The following ANK2 variants were observed in gnomAD, a reference collection of about 807,000 sequenced individuals.
ANK2 encodes the protein ankyrin 2, also known as ankyrin-2.
In ANK2, 83 loss-of-function variants were observed where a neutral mutation model predicts 360.5. The ratio of observed to expected loss-of-function variants is 0.23; its 90% CI spans 0.19 to 0.28. The LOEUF (loss-of-function observed/expected upper bound fraction) is 0.28, where lower values mean the gene tolerates loss of function less well. Ranked by LOEUF, ANK2 falls within the 10% of genes least tolerant of loss-of-function variation. The probability of loss-of-function intolerance (pLI) is 1.00; values close to 1 mark genes in which losing one functional copy is unlikely to be tolerated. For missense variants in ANK2, 4,201 were observed against 4,795.7 expected (o/e 0.88, Z 3.66); for synonymous variants, 1,740 against 1,759.5 (o/e 0.99, Z 0.28).
At chr4:112,986,608 C>T (rs1161973336) in intron 2 of ANK2, among the ~76,000 whole-genome samples, 1 of 152,096 alleles carries the variant, frequency 6.6e-6, no homozygotes, top group Non-Finnish European at 1.5e-5. Context: ...ATCTAAGATG[C>T]CTTTTACACT....
At chr4:113,281,923 C>G (rs751645842) in intron 17 of ANK2, among the ~76,000 whole-genome samples, 2 of 152,050 alleles carry the variant, frequency 1.3e-5, no homozygotes, top group Non-Finnish European at 2.9e-5. Context: ...TTCATATAAG[C>G]TAATTTTGTT....
the ANK2 span, among the ~76,000 whole-genome samples, chr4:112,793,689 T>TA: frequency 6.7e-6 from 1 of 148,468 alleles, no homozygotes; most frequent in Admixed American, 6.8e-5. Context: ...CAGATAGAAA[T>TA]AAAATAATTT....
chr4:113,043,993 A>G (rs1410102533), intron 2 of ANK2, among the ~76,000 whole-genome samples: 1 of 152,082 alleles, frequency 6.6e-6, no homozygotes, highest in Admixed American at 6.6e-5. Flanking sequence ...TCCCTTTCTT[A>G]CCAGACTAGT....
intron 1 of ANK2, among the ~76,000 whole-genome samples, chr4:113,122,286 GC>G (rs2095412955): frequency 6.6e-6 from 1 of 151,958 alleles, no homozygotes; most frequent in Non-Finnish European, 1.5e-5. Context: ...TTCTGCTTGG[GC>G]ACTCAGCAGC....
At chr4:112,950,007 A>T (rs2094827097) in intron 2 of ANK2, among the ~76,000 whole-genome samples, 1 of 152,232 alleles carries the variant, frequency 6.6e-6, no homozygotes, top group African/African-American at 2.4e-5. Flanking sequence ...ACATAATTAG[A>T]TGTTCAGTCT....
intron 1 of ANK2, among the ~76,000 whole-genome samples, chr4:113,086,766 C>G (rs1186185222): frequency 6.6e-6 from 1 of 152,118 alleles, no homozygotes; most frequent in East Asian, 1.9e-4. Flanking sequence ...CTGGAGTGAA[C>G]AGAGGAAGTT....
chr4:112,708,166 G>A, the ANK2 span, among the ~76,000 whole-genome samples: 1 of 152,146 alleles, frequency 6.6e-6, no homozygotes, highest in Non-Finnish European at 1.5e-5. Context: ...AAACCGTGTT[G>A]TTCTACTAAG....
the ANK2 span, among the ~76,000 whole-genome samples, chr4:112,756,800 C>T: frequency 2.4e-4 from 37 of 152,234 alleles, no homozygotes; most frequent in South Asian, 1.9e-3. Flanking sequence ...TAGTACAACC[C>T]CATCTCTACT....
At chr4:113,216,765 G>A in intron 4 of ANK2, among the ~76,000 whole-genome samples, 1 of 152,106 alleles carries the variant, frequency 6.6e-6, no homozygotes, top group East Asian at 1.9e-4. Flanking sequence ...GCATACTTAG[G>A]TCCTTTTAAG....
chr4:113,178,287 G>T (rs2098292113), intron 2 of ANK2, among the ~76,000 whole-genome samples: 1 of 152,020 alleles, frequency 6.6e-6, no homozygotes, highest in African/African-American at 2.4e-5. Context: ...AATAAAACAG[G>T]CCAGGCGCAG....
chr4:112,895,566 A>G (rs1047359977), intron 1 of ANK2, among the ~76,000 whole-genome samples: 18 of 152,076 alleles, frequency 1.2e-4, no homozygotes, highest in African/African-American at 4.3e-4. Flanking sequence ...ATTTTTTTTA[A>G]TGCTCCACTG....
At chr4:112,790,484 CTTTTTTT>C in the ANK2 span, among the ~76,000 whole-genome samples, 4 of 113,756 alleles carry the variant, frequency 3.5e-5, no homozygotes, top group Non-Finnish European at 5.3e-5. Context: ...CTTTTCTTTT[CTTTTTTT>C]TTTTTTTTTT....
chr4:112,891,174 C>A (rs1204980760), intron 1 of ANK2, among the ~76,000 whole-genome samples: 1 of 152,126 alleles, frequency 6.6e-6, no homozygotes, highest in Non-Finnish European at 1.5e-5. Flanking sequence ...TTGCCTCGTG[C>A]CACGTAACTA....
intron 19 of ANK2, among the ~76,000 whole-genome samples, 186 bp from the exon 20 acceptor site, chr4:113,288,202 C>T (rs968363840): frequency 6.6e-5 from 10 of 152,148 alleles, no homozygotes; most frequent in Non-Finnish European, 1.5e-4. Context: ...CACATCTGAT[C>T]TCTCTTGCTG....
chr4:113,131,359 T>C (rs1318042037), intron 1 of ANK2, among the ~76,000 whole-genome samples: 2 of 152,190 alleles, frequency 1.3e-5, no homozygotes, highest in African/African-American at 4.8e-5. Flanking sequence ...CAGTTTGACT[T>C]TGATGAATGC....
intron 4 of ANK2, among the ~76,000 whole-genome samples, chr4:113,229,345 C>T (rs967174043): frequency 6.6e-6 from 1 of 152,198 alleles, no homozygotes; most frequent in Non-Finnish European, 1.5e-5. Context: ...TTCTCCATCT[C>T]CAAAGCCAGC....
intron 24 of ANK2, among the ~76,000 whole-genome samples, chr4:113,313,459 A>G (rs2081154507): frequency 6.6e-6 from 1 of 152,216 alleles, no homozygotes; most frequent in East Asian, 1.9e-4. Flanking sequence ...ACATAAGGTC[A>G]GGGGACATGA....
intron 1 of ANK2, among the ~76,000 whole-genome samples, chr4:113,103,541 T>C (rs1433340926): frequency 6.6e-6 from 1 of 152,194 alleles, no homozygotes; most frequent in Non-Finnish European, 1.5e-5. Context: ...GACACTCCAG[T>C]ATATATCGTC....
intron 2 of ANK2, among the ~76,000 whole-genome samples, chr4:112,965,518 G>C (rs1216786841): frequency 1.3e-5 from 2 of 152,046 alleles, no homozygotes; most frequent in Admixed American, 6.6e-5. Flanking sequence ...CTGTATTTGT[G>C]GGGCATTAGT....
Sources: allele counts gnomAD v4.1 joint callset (sites outside exome capture counted in the v4.1 genomes callset), GRCh38; gene constraint gnomAD v4.1.1; transcripts MANE v1.5; gene names NCBI Gene and HGNC (gene_info 2026-07-23, HGNC 2026-07-21).